Variants in MYO6 observed in about 807,000 individuals in gnomAD.
MYO6 encodes myosin VI.
Under a neutral mutation model 178.7 loss-of-function variants are expected in MYO6, and 74 were observed. The observed-to-expected ratio is 0.41, with a 90% confidence interval of 0.34 to 0.50. The LOEUF (loss-of-function observed/expected upper bound fraction) is 0.50, where lower values mean the gene tolerates loss of function less well. Ranked by LOEUF, MYO6 falls within the 20% of genes least tolerant of loss-of-function variation. MYO6 has a pLI of 0.09. For missense variants in MYO6, 1,330 were observed against 1,547.4 expected, an observed-to-expected ratio of 0.86 and a Z score of 2.36; for synonymous variants, 477 against 504.6, an observed-to-expected ratio of 0.95 and a Z score of 0.73.
intron 1 of MYO6, chr6:75,768,197 A>G (rs896244485): frequency 4.6e-5 from 7 of 152,216 alleles, no homozygotes; most frequent in Non-Finnish European, 8.8e-5. Context: ...TGCAGAATGC[A>G]TAAATAACTT....
At chr6:75,852,331 C>CT (rs569527427) in intron 11 of MYO6, among the ~76,000 whole-genome samples, 46 of 150,630 alleles carry the variant, frequency 3.1e-4, no homozygotes, top group African/African-American at 1.1e-3. Context: ...TCTCTTTTTT[C>CT]TTTTTTTTTG....
intron 15 of MYO6, among the ~76,000 whole-genome samples, 200 bp downstream of exon 15, chr6:75,861,295 A>G (rs752756929): frequency 2.0e-5 from 3 of 152,178 alleles, no homozygotes; most frequent in Non-Finnish European, 2.9e-5. Flanking sequence ...GAAGTTTTCT[A>G]TAATCTCTTC....
At chr6:75,760,334 C>G (rs1777834354) in intron 1 of MYO6, among the ~76,000 whole-genome samples, 1 of 152,078 alleles carries the variant, frequency 6.6e-6, no homozygotes, top group South Asian at 2.1e-4. Context: ...AAGGATTTCT[C>G]TTCTTAAAGA....
rs188566985 is a variant in MYO6, at chr6:75,756,124, G to A, written c.-48+6701G>A. Among the ~76,000 whole-genome samples the A allele has an allele frequency of 3.4e-4, 51 of 152,166 alleles. No homozygotes were observed. In the Middle Eastern group the frequency reaches 0.01, roughly 30 times the overall value. On this transcript the variant is annotated intron_variant, in intron 1 of 34. Transcript: ENST00000369977. The stretch of plus-strand genomic sequence containing the variant: ...TAAATGGGAACTAGAATTGGACACG[G>A]TGATGCTTACCTGTAGTCCTAGCTA...
chr6:75,831,713 A>T (rs1773105047), intron 5 of MYO6, among the ~76,000 whole-genome samples: 2 of 151,890 alleles, frequency 1.3e-5, no homozygotes, highest in African/African-American at 4.8e-5. Flanking sequence ...GCAAACATGC[A>T]AAATCTTGTC....
At chr6:75,871,948 G>A (rs1020196031) in intron 19 of MYO6, among the ~76,000 whole-genome samples, 9 of 151,928 alleles carry the variant, frequency 5.9e-5, no homozygotes, top group Non-Finnish European at 1.2e-4. Flanking sequence ...CCAATATGGT[G>A]AAACCTCGTC....
At chr6:75,848,651 T>C (rs1774966571) in intron 11 of MYO6, 120 bp downstream of exon 11, 7 of 924,766 alleles carry the variant, frequency 7.6e-6, no homozygotes, top group Non-Finnish European at 1.1e-5. Flanking sequence ...ATATCTAAAA[T>C]ATACTGAGTT....
chr6:75,834,796 G>A (rs1191436213), intron 6 of MYO6, among the ~76,000 whole-genome samples: 1 of 152,126 alleles, frequency 6.6e-6, no homozygotes, highest in Admixed American at 6.5e-5. Flanking sequence ...TGAAGAGTTT[G>A]TTAACAGCTG....
At chr6:75,869,209 C>T (rs369981334) in intron 18 of MYO6, among the ~76,000 whole-genome samples, 7 of 150,348 alleles carry the variant, frequency 4.7e-5, no homozygotes, top group South Asian at 4.2e-4. Context: ...AGATTGATTA[C>T]GGTTGTCAGA....
chr6:75,766,046 G>A (rs1165638475), intron 1 of MYO6, among the ~76,000 whole-genome samples: 1 of 152,144 alleles, frequency 6.6e-6, no homozygotes, highest in Non-Finnish European at 1.5e-5. Flanking sequence ...AAGCAGGCTG[G>A]GCATGGTGGC....
At chr6:75,813,748 A>G (rs932261157) in intron 1 of MYO6, among the ~76,000 whole-genome samples, 3 of 152,168 alleles carry the variant, frequency 2.0e-5, no homozygotes, top group African/African-American at 4.8e-5. Context: ...TTTAGTCAGC[A>G]GGTGATGAAT....
chr6:75,879,723 C>A (rs185066426), intron 20 of MYO6, 97 bp from the exon 21 acceptor site: 14 of 1,553,356 alleles, frequency 9.0e-6, no homozygotes, highest in Middle Eastern at 1.7e-4. Context: ...ATAAATTGCC[C>A]GTTTCTAAAC....
intron 1 of MYO6, among the ~76,000 whole-genome samples, chr6:75,795,137 C>T (rs1458128082): frequency 2.0e-5 from 3 of 152,126 alleles, no homozygotes; most frequent in Admixed American, 1.3e-4. Context: ...TTAATGCCTA[C>T]GGACTTAAAG....
chr6:75,822,856 G>A lies in MYO6; in HGVS notation c.187+5G>A. 1.2e-6 allele frequency: 2 copies of A among 1,609,874 alleles called. No individual in the cohort carries two copies. The highest frequency in any genetic ancestry group is 1.1e-5 in the South Asian group (1 of 91,000). On this transcript the variant is annotated splice_donor_5th_base_variant and intron_variant, in intron 3 of 34. Coordinates refer to ENST00000369977, the MANE Select transcript of MYO6 (RefSeq NM_004999.4). Reference sequence around the variant, plus strand: ...AAAAAGATGTGGAAGATAACTGTAAGTACCAAGTTAAAAATTAACTCTCCG... The same window carrying A: ...AAAAAGATGTGGAAGATAACTGTAAATACCAAGTTAAAAATTAACTCTCCG...
chr6:75,753,879 T>C (rs1024025328), intron 1 of MYO6, among the ~76,000 whole-genome samples: 3 of 152,232 alleles, frequency 2.0e-5, no homozygotes, highest in Non-Finnish European at 4.4e-5. Context: ...TTCTAGTTAC[T>C]GTTTTCAAAA....
intron 1 of MYO6, among the ~76,000 whole-genome samples, chr6:75,786,941 C>G (rs1197583351): frequency 6.6e-6 from 1 of 152,228 alleles, no homozygotes; most frequent in Non-Finnish European, 1.5e-5. Flanking sequence ...TTTCGGAGTT[C>G]ACATGTCTGA....
At position 75,866,494 on chromosome 6, in the gene MYO6, A is replaced by G. The variant is rs1382346935; in HGVS notation, c.1675-32A>G. 2.7e-6 allele frequency: 4 copies of G among 1,488,352 alleles called. No homozygotes were observed. The African/African-American group carries it at 4.1e-5, about 15-fold the overall frequency. 92.2% of individuals were successfully genotyped at this position (1,488,352 alleles called of 1,614,324 possible). ...ATGATTATGTAATATATTTTTGATC[A>G]TTTAATAACTCATATATGTATTGTT... On this transcript the variant is annotated intron_variant, in intron 16 of 34. Coordinates refer to ENST00000369977, the MANE Select transcript of MYO6 (RefSeq NM_004999.4).
At position 75,776,713 on chromosome 6, in the gene MYO6, G is replaced by A. The variant is rs559723738; in HGVS notation, c.-48+27290G>A. Among the ~76,000 whole-genome samples the A allele has an allele frequency of 3.3e-5, 5 of 151,710 alleles. No individual in the cohort carries two copies. In the South Asian group the frequency reaches 1.0e-3, roughly 32 times the overall value. On this transcript the variant is annotated intron_variant, in intron 1 of 34. Transcript: ENST00000369977. Reference sequence around the variant, plus strand: ...GTTTTGGTAGAGATGGGGTAGTGCTGTGTTTCCCAGGCTGGTCTCAAATTC... The same window carrying A: ...GTTTTGGTAGAGATGGGGTAGTGCTATGTTTCCCAGGCTGGTCTCAAATTC...
intron 1 of MYO6, among the ~76,000 whole-genome samples, chr6:75,751,191 C>A (rs1452070773): frequency 6.6e-6 from 1 of 152,170 alleles, no homozygotes; most frequent in Non-Finnish European, 1.5e-5. Context: ...ATATACAGCT[C>A]ATTTTGAGTA....
Sources: gnomAD v4.1 joint callset for allele counts (sites outside exome capture counted in the v4.1 genomes callset) on GRCh38, gnomAD v4.1.1 for gene constraint, MANE v1.5 for transcripts, NCBI Gene and HGNC (gene_info 2026-07-23, HGNC 2026-07-21) for gene names.